FZR1: variants seen among roughly 807,000 people sequenced by gnomAD.
FZR1 encodes the protein fizzy and cell division cycle 20 related 1.
A neutral mutation model predicts 63.6 loss-of-function variants in FZR1; 11 were observed. The ratio of observed to expected loss-of-function variants is 0.17; its 90% CI spans 0.11 to 0.29. FZR1 has a LOEUF of 0.29. Ranked by LOEUF, FZR1 falls within the 10% of genes least tolerant of loss-of-function variation. The probability of loss-of-function intolerance (pLI) is 1.00; values close to 1 mark genes in which losing one functional copy is unlikely to be tolerated. For synonymous variants in FZR1, 328 were observed against 297.9 expected (o/e 1.10, Z -1.04); for missense variants, 440 against 687.5 (o/e 0.64, Z 4.03).
At chr19:3,531,085 G>A (rs2083242112) in intron 8 of FZR1, among the ~76,000 whole-genome samples, 2 of 152,132 alleles carry the variant, frequency 1.3e-5, no homozygotes, top group African/African-American at 4.8e-5. Flanking sequence ...GTCCAGTGGG[G>A]AAATAACGCC....
At position 3,535,145 on chromosome 19, in the gene FZR1, C is replaced by T; in HGVS notation, c.*309C>T. ...CTGTACTCAGAGCGACGGATGCCCCCTGGGACCCTCACTGCCTCCGTCTGT... is the reference window on the plus strand; with the variant it reads ...CTGTACTCAGAGCGACGGATGCCCCTTGGGACCCTCACTGCCTCCGTCTGT... On this transcript the variant is annotated 3_prime_UTR_variant, in exon 14 of 14. Coordinates refer to ENST00000441788, the MANE Select transcript of FZR1 (RefSeq NM_016263.4). 2.2e-6 allele frequency: 1 copy of T among 444,600 alleles called. No individual in the cohort carries two copies. The highest frequency in any genetic ancestry group is 4.8e-5 in the East Asian group (1 of 20,814). The allele number at this position is 444,600 out of a possible 1,614,324, so 27.5% of individuals were successfully genotyped here.
Position 3,527,825 on chromosome 19 carries a change from CG to C in FZR1, c.654+12del, listed in dbSNP as rs2083175886. The C allele has an allele frequency of 6.2e-7, 1 of 1,600,810 alleles. No homozygotes were observed. The highest frequency in any genetic ancestry group is 1.7e-5 in the Admixed American group (1 of 59,632). ...GCCTGTACCAGCCAGGTGGGTGCTG[CG>C]TGGGGTGTGCATGTGCATGGGGGCC... is the stretch of plus-strand genomic sequence containing the variant. On this transcript the variant is annotated intron_variant, in intron 7 of 13. Coordinates refer to ENST00000441788, the MANE Select transcript of FZR1 (RefSeq NM_016263.4).
At position 3,536,273 on chromosome 19, in the gene FZR1, C is replaced by T. The variant is rs1002080954; in HGVS notation, c.*1437C>T. The T allele has an allele frequency of 1.3e-5, 2 of 152,296 alleles. No individual in the cohort carries two copies. Among genetic ancestry groups the T allele is most frequent in the African/African-American group, 4.8e-5 (2 of 41,562 alleles). 9.4% of individuals were successfully genotyped at this position (152,296 alleles called of 1,614,324 possible). On this transcript the variant is annotated 3_prime_UTR_variant, in exon 14 of 14. Transcript: ENST00000441788. ...AGGGGCCAGGACCCACCCACTGCTC[C>T]TGGGGGATGAGGTCCTGGTTTTAAA...
At chr19:3,511,514 G>T (rs181025414) in intron 1 of FZR1, among the ~76,000 whole-genome samples, 1 of 152,212 alleles carries the variant, frequency 6.6e-6, no homozygotes, top group East Asian at 1.9e-4. Flanking sequence ...ACCAGCCCGG[G>T]CAACATAGGG....
chr19:3,526,976 A>G lies in FZR1; in HGVS notation c.388-4A>G, dbSNP rs2121974643. On this transcript the variant is annotated splice_polypyrimidine_tract_variant and splice_region_variant and intron_variant, in intron 5 of 13. Transcript: ENST00000441788. This position sits in a 1 kb window ranked among gnomAD's most constrained non-coding sequence, Gnocchi z 5.4. Reference sequence around the variant, plus strand: ...GCTCAGCTGGCATGTCCCCCGCTCCACAGTATTCCCTTAGCACCAAGCGCT... The same window carrying G: ...GCTCAGCTGGCATGTCCCCCGCTCCGCAGTATTCCCTTAGCACCAAGCGCT... 6.2e-7 allele frequency: 1 copy of G among 1,608,256 alleles called. No individual in the cohort carries two copies. The highest frequency in any genetic ancestry group is 8.5e-7 in the Non-Finnish European group (1 of 1,176,628).
Position 3,524,625 on chromosome 19 carries a change from C to T in FZR1, c.70-1243C>T, listed in dbSNP as rs1440514774. On this transcript the variant is annotated intron_variant, in intron 2 of 13. Transcript: ENST00000441788. ...CCAGAGAGGCCGCAGACGGGGCCCA[C>T]GCAGCACTCGCAGAACCTCTCCCAG... is the stretch of plus-strand genomic sequence containing the variant. 3.9e-5 allele frequency among the ~76,000 whole-genome samples: 6 copies of T among 152,310 alleles called. No individual in the cohort carries two copies. The East Asian group carries it at 1.2e-3, about 29-fold the overall frequency.
intron 1 of FZR1, among the ~76,000 whole-genome samples, chr19:3,521,002 G>A (rs993699236): frequency 6.6e-6 from 1 of 152,214 alleles, no homozygotes; most frequent in Non-Finnish European, 1.5e-5. Flanking sequence ...AGGGTGCAAC[G>A]TCCTCAGGGC....
Position 3,530,481 on chromosome 19 carries a change from C to T in FZR1, c.655-311C>T, listed in dbSNP as rs1238760379. On this transcript the variant is annotated intron_variant, in intron 7 of 13. Coordinates refer to ENST00000441788, the MANE Select transcript of FZR1 (RefSeq NM_016263.4). ...GCGCATGGATGAGCGCATGGGAGAG[C>T]GCATGGGTGAGCGGATGCAAGAGTG... Among the ~76,000 whole-genome samples the T allele has an allele frequency of 2.3e-5, 3 of 133,254 alleles. 1 individual carries two copies. The highest frequency in any genetic ancestry group is 2.5e-4 in the South Asian group (1 of 4,078). 87.4% of individuals were successfully genotyped at this position (133,254 alleles called of 152,430 possible). A position where few individuals can be genotyped will look rare whatever the true frequency, so the allele number is the denominator to read the frequency against.
In FZR1 at chr19:3,522,959, A is replaced by G; in HGVS notation, c.-31A>G. 2 of 1,554,470 alleles carry G rather than the reference A, an allele frequency of 1.3e-6. No homozygotes were observed. Among genetic ancestry groups the G allele is most frequent in the Non-Finnish European group, 1.8e-6 (2 of 1,126,724 alleles). On this transcript the variant is annotated 5_prime_UTR_variant, in exon 2 of 14. Coordinates refer to ENST00000441788, the MANE Select transcript of FZR1 (RefSeq NM_016263.4). ...TCTCCTGCCCTTCCCGCTGCAGGCT[A>G]ACCTTGCCGCGGGCCGAGCCCTGCC...
chr19:3,529,880 GTGGGAGAGCGGA>G (rs1719783113), intron 7 of FZR1, among the ~76,000 whole-genome samples: 1 of 68,104 alleles, frequency 1.5e-5, no homozygotes, highest in Non-Finnish European at 2.9e-5. Flanking sequence ...GGGTGAGCGG[GTGGGAGAGCGGA>G]TGGGAGAGTG....
At chr19:3,534,570 T>G in intron 13 of FZR1, 57 bp downstream of exon 13, 1 of 1,217,214 alleles carries the variant, frequency 8.2e-7, no homozygotes, top group Non-Finnish European at 1.2e-6. Flanking sequence ...CCCAGGGTCG[T>G]CCCTGTCCCC....
Position 3,526,788 on chromosome 19 carries a change from G to A in FZR1, c.388-192G>A, listed in dbSNP as rs2286546. ...ACACGGAGCCTGGCTTGGGTCCCTCGAGAGAGGGCGGGAGGGGTGGGGGGT... is the reference window on the plus strand; with the variant it reads ...ACACGGAGCCTGGCTTGGGTCCCTCAAGAGAGGGCGGGAGGGGTGGGGGGT... On this transcript the variant is annotated intron_variant, in intron 5 of 13. Coordinates refer to ENST00000441788, the MANE Select transcript of FZR1 (RefSeq NM_016263.4). The surrounding 1 kb of genome is among the most constrained non-coding windows in gnomAD (Gnocchi z 5.4). Among the ~76,000 whole-genome samples, 37,590 of 150,676 alleles carry A rather than the reference G, an allele frequency of 0.25. 6,728 individuals are homozygous for A. Among genetic ancestry groups the A allele is most frequent in the East Asian group, 0.82 (4,129 of 5,016 alleles).
intron 7 of FZR1, among the ~76,000 whole-genome samples, chr19:3,529,048 G>GCT (rs2083196744): frequency 6.6e-6 from 1 of 150,968 alleles, no homozygotes; most frequent in East Asian, 2.0e-4. Context: ...GTGAGAGGAT[G>GCT]GGAGTGCGGA....
intron 1 of FZR1, among the ~76,000 whole-genome samples, chr19:3,513,218 T>C (rs571793292): frequency 2.0e-5 from 3 of 152,156 alleles, no homozygotes; most frequent in African/African-American, 7.2e-5. Context: ...ATCCAGCAAC[T>C]TTGCAGGGGT....
rs1003490225 is a variant in FZR1 at position 3,515,497 on chromosome 19, G to A, written c.-34-7459G>A. On this transcript the variant is annotated intron_variant, in intron 1 of 13. Coordinates refer to ENST00000441788, the MANE Select transcript of FZR1 (RefSeq NM_016263.4). The surrounding 1 kb of genome is among the most constrained non-coding windows in gnomAD (Gnocchi z 4.6). ...AATTCTAGAAGTACAGGCCGGGCGCGGTGGCTCACGCTTGTAATCCCAGCA... is the reference window on the plus strand; with the variant it reads ...AATTCTAGAAGTACAGGCCGGGCGCAGTGGCTCACGCTTGTAATCCCAGCA... Among the ~76,000 whole-genome samples, 7 of 152,116 alleles carry A rather than the reference G, an allele frequency of 4.6e-5. No homozygotes were observed. Among genetic ancestry groups the A allele is most frequent in the South Asian group, 2.1e-4 (1 of 4,824 alleles).
chr19:3,528,275 G>T (rs2083182529), intron 7 of FZR1, among the ~76,000 whole-genome samples: 1 of 152,250 alleles, frequency 6.6e-6, no homozygotes, highest in Admixed American at 6.5e-5. Flanking sequence ...TGGGTTGCTG[G>T]TGCAGGGCAG....
chr19:3,524,398 C>T (rs1369090217), intron 2 of FZR1, among the ~76,000 whole-genome samples: 2 of 152,234 alleles, frequency 1.3e-5, no homozygotes, highest in East Asian at 3.8e-4. Flanking sequence ...ACATACCCGT[C>T]CTGCCCCGCA....
Position 3,526,222 on chromosome 19 carries a change from C to T in FZR1, c.260-37C>T. ...CCCATCCGCCCTGCAGGCCCCCACC[C>T]TGCCTTGCCCCGCCTCACTGTGCTT... On this transcript the variant is annotated intron_variant, in intron 4 of 13. Transcript: ENST00000441788. This position sits in a 1 kb window ranked among gnomAD's most constrained non-coding sequence, Gnocchi z 5.4. 3.1e-6 allele frequency: 5 copies of T among 1,610,426 alleles called. No homozygotes were observed. The highest frequency in any genetic ancestry group is 4.2e-6 in the Non-Finnish European group (5 of 1,178,920).
At position 3,526,456 on chromosome 19, in the gene FZR1, G is replaced by T; in HGVS notation, c.387+70G>T. 7.8e-7 allele frequency: 1 copy of T among 1,280,634 alleles called. No individual in the cohort carries two copies. The highest frequency in any genetic ancestry group is 1.1e-6 in the Non-Finnish European group (1 of 924,138). The allele number at this position is 1,280,634 out of a possible 1,614,324, so 79.3% of individuals were successfully genotyped here. ...GCCTCCCCGGCCCCCCACCTCCCAG[G>T]CACCAGCTCTGCCTCCCCGAGCCCG... On this transcript the variant is annotated intron_variant, in intron 5 of 13. Transcript: ENST00000441788. This position sits in a 1 kb window ranked among gnomAD's most constrained non-coding sequence, Gnocchi z 5.4.
Sources: allele counts gnomAD v4.1 joint callset (sites outside exome capture counted in the v4.1 genomes callset), GRCh38; gene constraint gnomAD v4.1.1; non-coding constraint Gnocchi (gnomAD v3.1); transcripts MANE v1.5; gene names NCBI Gene and HGNC (gene_info 2026-07-23, HGNC 2026-07-21).